The following SLC35F3 variants were observed in gnomAD, a reference collection of about 807,000 sequenced individuals.
The protein encoded by SLC35F3 is solute carrier family 35 member F3, also known as putative thiamine transporter SLC35F3.
In SLC35F3, 25 loss-of-function variants were observed where a neutral mutation model predicts 49.9. The ratio of observed to expected loss-of-function variants is 0.50; its 90% CI spans 0.37 to 0.70. The LOEUF (loss-of-function observed/expected upper bound fraction) is 0.70. Among genes scored for constraint, SLC35F3 ranks in the 30% least tolerant of loss-of-function variants. SLC35F3 has a pLI of 0.00. For missense variants in SLC35F3, 525 were observed against 639.8 expected, an observed-to-expected ratio of 0.82 and a Z score of 1.94; for synonymous variants, 275 against 265.4, an observed-to-expected ratio of 1.04 and a Z score of -0.35.
intron 2 of SLC35F3, among the ~76,000 whole-genome samples, chr1:234,135,987 G>C (rs1289828258): frequency 1.3e-5 from 2 of 152,148 alleles, no homozygotes; most frequent in Non-Finnish European, 2.9e-5. Context: ...AAGGGCACTG[G>C]GGATGAGAAT....
At chr1:233,945,831 G>A (rs112716559) in intron 2 of SLC35F3, among the ~76,000 whole-genome samples, 24,770 of 152,154 alleles carry the variant, frequency 0.16, 3,147 homozygotes, top group African/African-American at 0.35. Context: ...TGATTGTGAG[G>A]CCTCCCCAGC....
At chr1:234,129,792 G>C (rs1665705295) in intron 2 of SLC35F3, among the ~76,000 whole-genome samples, 1 of 152,032 alleles carries the variant, frequency 6.6e-6, no homozygotes, top group Admixed American at 6.6e-5. Context: ...TTTGACAAAG[G>C]CACCAATACA....
chr1:234,003,449 G>T (rs1663582592), intron 2 of SLC35F3, among the ~76,000 whole-genome samples: 1 of 152,078 alleles, frequency 6.6e-6, no homozygotes, highest in Non-Finnish European at 1.5e-5. Context: ...AAATGAGATT[G>T]CCCCATGGGT....
At chr1:234,188,944 G>A (rs1303916367) in intron 2 of SLC35F3, among the ~76,000 whole-genome samples, 3 of 152,122 alleles carry the variant, frequency 2.0e-5, no homozygotes, top group Non-Finnish European at 4.4e-5. Flanking sequence ...AGATCCAGAA[G>A]AGAAATAACA....
At chr1:234,061,433 ACT>A (rs767516057) in intron 2 of SLC35F3, among the ~76,000 whole-genome samples, 1 of 143,798 alleles carries the variant, frequency 7.0e-6, no homozygotes, top group African/African-American at 2.6e-5. Flanking sequence ...CGTGTCTGTG[ACT>A]CTCTTTTTGG....
chr1:233,911,464 T>C (rs1372099774), intron 2 of SLC35F3, among the ~76,000 whole-genome samples: 2 of 152,180 alleles, frequency 1.3e-5, no homozygotes, highest in African/African-American at 4.8e-5. Context: ...GCATTTTTTA[T>C]TGGGTCAGAG....
chr1:234,237,832 G>T (rs970977392), intron 3 of SLC35F3, among the ~76,000 whole-genome samples: 2 of 152,140 alleles, frequency 1.3e-5, no homozygotes, highest in African/African-American at 4.8e-5. Context: ...CCTCATAGCA[G>T]TCTCATTTCC....
At chr1:234,031,179 A>C (rs1572025826) in intron 2 of SLC35F3, among the ~76,000 whole-genome samples, 1 of 152,154 alleles carries the variant, frequency 6.6e-6, no homozygotes, top group East Asian at 1.9e-4. Context: ...AAGCGCACCC[A>C]CTTTCTGGGT....
At chr1:234,216,227 G>A (rs1452177279) in intron 2 of SLC35F3, among the ~76,000 whole-genome samples, 1 of 152,174 alleles carries the variant, frequency 6.6e-6, no homozygotes, top group Admixed American at 6.5e-5. Context: ...CACTCATAGG[G>A]TCCTCATGGG....
At chr1:234,151,162 C>T (rs1666070127) in intron 2 of SLC35F3, among the ~76,000 whole-genome samples, 1 of 150,802 alleles carries the variant, frequency 6.6e-6, no homozygotes, top group Admixed American at 6.6e-5. Flanking sequence ...TGGGGACAAA[C>T]AGAAAGGAAG....
chr1:234,304,946 GA>G (rs1484378664), intron 3 of SLC35F3, among the ~76,000 whole-genome samples: 1 of 152,046 alleles, frequency 6.6e-6, no homozygotes. Flanking sequence ...AGAAGCACCA[GA>G]AAAACTGAAA....
chr1:234,302,106 G>T (rs1054840609), intron 3 of SLC35F3, among the ~76,000 whole-genome samples: 1 of 152,010 alleles, frequency 6.6e-6, no homozygotes, highest in Non-Finnish European at 1.5e-5. Flanking sequence ...ACCATGGCAT[G>T]CATGTACCTA....
chr1:234,220,067 G>A (rs769535336), intron 2 of SLC35F3, among the ~76,000 whole-genome samples: 3 of 152,128 alleles, frequency 2.0e-5, no homozygotes, highest in South Asian at 2.1e-4. Context: ...CGCTGGACTC[G>A]GAAGACAGGA....
At chr1:234,211,341 G>A (rs1667043877) in intron 2 of SLC35F3, among the ~76,000 whole-genome samples, 1 of 152,164 alleles carries the variant, frequency 6.6e-6, no homozygotes. Context: ...ATGAGAAGAG[G>A]GCCACTGTCC....
intron 3 of SLC35F3, among the ~76,000 whole-genome samples, chr1:234,308,337 G>C (rs1200513912): frequency 6.6e-6 from 1 of 152,144 alleles, no homozygotes; most frequent in Non-Finnish European, 1.5e-5. Flanking sequence ...GTTTCAATGT[G>C]TTCTCTTAGA....
chr1:234,316,561 G>A (rs368358646), intron 4 of SLC35F3, 41 bp from the exon 5 acceptor site: 119 of 1,579,850 alleles, frequency 7.5e-5, no homozygotes, highest in African/African-American at 5.4e-4. Context: ...CTCTGACTCC[G>A]TCCCGACTTC....
At chr1:234,212,031 A>G (rs757023860) in intron 2 of SLC35F3, among the ~76,000 whole-genome samples, 6 of 152,176 alleles carry the variant, frequency 3.9e-5, no homozygotes, top group Middle Eastern at 3.2e-3. Context: ...TGATGATTCT[A>G]TAAGGGGGAG....
At chr1:233,988,869 A>T (rs1010386373) in intron 2 of SLC35F3, among the ~76,000 whole-genome samples, 1 of 152,178 alleles carries the variant, frequency 6.6e-6, no homozygotes, top group Non-Finnish European at 1.5e-5. Flanking sequence ...ACTCCTGCCC[A>T]TTTGATTGTC....
intron 2 of SLC35F3, among the ~76,000 whole-genome samples, chr1:234,066,811 G>A (rs1325461130): frequency 2.5e-5 from 2 of 79,878 alleles, no homozygotes; most frequent in Middle Eastern, 7.2e-3. Context: ...GTCTCTCTCT[G>A]TCTCTGTCCC....
Sources: gnomAD v4.1 joint callset for allele counts (sites outside exome capture counted in the v4.1 genomes callset) on GRCh38, gnomAD v4.1.1 for gene constraint, MANE v1.5 for transcripts, NCBI Gene and HGNC (gene_info 2026-07-23, HGNC 2026-07-21) for gene names.